Variants in BTN2A1 observed in about 807,000 individuals in gnomAD.
BTN2A1 encodes the protein butyrophilin, subfamily 2, member A1.
BTN2A1 carries 41 observed loss-of-function variants against 34.5 expected under a neutral mutation model. That is an observed-to-expected ratio of 1.19 (90% CI 0.93 to 1.54). BTN2A1 has a LOEUF of 1.54. BTN2A1 is among the 40% of genes most tolerant of loss of function. The pLI, the probability that BTN2A1 is intolerant of heterozygous loss-of-function variation, is 0.00. For missense variants in BTN2A1, 642 were observed against 662.0 expected (o/e 0.97, Z 0.33); for synonymous variants, 267 against 258.6 (o/e 1.03, Z -0.31).
rs536382463 is a variant in BTN2A1, at chr6:26,468,904, A to G, written c.*355A>G. The G allele has an allele frequency of 6.0e-6, 8 of 1,323,676 alleles. No individual in the cohort carries two copies. The East Asian group carries it at 3.2e-4, about 53-fold the overall frequency. 82.0% of individuals were successfully genotyped at this position (1,323,676 alleles called of 1,614,324 possible). Reference sequence around the variant, plus strand: ...CCAGTATTCCAGTTGGCACCAGAAGATATGGACTTGGAATGAGGCCTACAG... The same window carrying G: ...CCAGTATTCCAGTTGGCACCAGAAGGTATGGACTTGGAATGAGGCCTACAG... On this transcript the variant is annotated 3_prime_UTR_variant, in exon 8 of 8. Transcript: ENST00000312541.
In BTN2A1 at chr6:26,466,052, T is replaced by TC. The variant is rs766433628; in HGVS notation, c.956-7dup. The TC allele has an allele frequency of 7.3e-4, 1,173 of 1,614,082 alleles. 1 individual carries two copies. Among genetic ancestry groups the TC allele is most frequent in the Non-Finnish European group, 9.0e-4 (1,061 of 1,180,052 alleles). On this transcript the variant is annotated splice_polypyrimidine_tract_variant and intron_variant, in intron 6 of 7. Transcript: ENST00000312541. ...ATCTCATGACATTCGTCTCTGTCTG[T>TC]CCCTTGCAGGATGGAGAAGAACATT...
intron 2 of BTN2A1, 22 bp downstream of exon 2, chr6:26,458,740 T>C (rs1763079059): frequency 6.2e-7 from 1 of 1,611,152 alleles, no homozygotes; most frequent in African/African-American, 1.3e-5. Context: ...TGCCACTTGC[T>C]GCTGTCACCT....
At position 26,468,766 on chromosome 6, in the gene BTN2A1, A is replaced by T; in HGVS notation, c.*217A>T. ...TAGTTCCTTTGCTTGTAACTATGGG[A>T]TGGGATCCAGGCATAGGGAACTAGT... On this transcript the variant is annotated 3_prime_UTR_variant, in exon 8 of 8. Transcript: ENST00000312541. 1 of 1,606,144 alleles carries T rather than the reference A, an allele frequency of 6.2e-7. No homozygotes were observed. Among genetic ancestry groups the T allele is most frequent in the Non-Finnish European group, 8.5e-7 (1 of 1,175,748 alleles).
intron 4 of BTN2A1, 63 bp downstream of exon 4, chr6:26,463,588 C>A: frequency 6.5e-7 from 1 of 1,549,594 alleles, no homozygotes; most frequent in Non-Finnish European, 8.8e-7. Context: ...ACAGATGGAG[C>A]CCAGAACGGG....
At position 26,468,351 on chromosome 6, in the gene BTN2A1, C is replaced by T; in HGVS notation, c.1386C>T (p.Ser462=). Residue 462 remains serine (S), a synonymous_variant, in exon 8 of 8, where the codon TCC becomes TCT. Transcript: ENST00000312541. ...TGGACTATGAAGCTGGAGATGTCTC[C>T]TTCTACAACATGAGGGACAGATCGC... is the stretch of plus-strand genomic sequence containing the variant. ...VFLDYEAGDV[S]FYNMRDRSHI... 6.2e-7 allele frequency: 1 copy of T among 1,612,068 alleles called. No individual in the cohort carries two copies. Among genetic ancestry groups the T allele is most frequent in the Non-Finnish European group, 8.5e-7 (1 of 1,177,974 alleles).
chr6:26,463,463 T>A lies in BTN2A1; in HGVS notation c.650T>A (p.Met217Lys). ...VIIRDKSVRN[M>K]SCSINNTLLG... is the part of the protein sequence containing the mutation. ...ATCAGAGACAAGTCTGTGAGGAACATGTCCTGCTCTATCAACAACACCCTG... is the reference window on the plus strand; with the variant it reads ...ATCAGAGACAAGTCTGTGAGGAACAAGTCCTGCTCTATCAACAACACCCTG... Residue 217 changes from methionine (M) to lysine (K), a missense_variant, in exon 4 of 8, where the codon ATG (methionine) becomes AAG (lysine). Transcript: ENST00000312541. The A allele has an allele frequency of 6.2e-7, 1 of 1,614,130 alleles. No individual in the cohort carries two copies. The highest frequency in any genetic ancestry group is 8.5e-7 in the Non-Finnish European group (1 of 1,180,008).
chr6:26,466,656 C>G (rs1336915505), intron 7 of BTN2A1, among the ~76,000 whole-genome samples: 2 of 152,148 alleles, frequency 1.3e-5, no homozygotes, highest in Non-Finnish European at 2.9e-5. Context: ...TTGCCCACTC[C>G]CAGTGAGCAC....
At chr6:26,459,855 C>T (rs1763115718) in intron 3 of BTN2A1, 27 bp downstream of exon 3, 16 of 1,590,612 alleles carry the variant, frequency 1.0e-5, no homozygotes, top group Non-Finnish European at 1.1e-5. Flanking sequence ...TGCTTTGTTA[C>T]TTTGGCACAG....
In BTN2A1 at chr6:26,465,262, G is replaced by A. The variant is rs774900274; in HGVS notation, c.790G>A (p.Val264Ile). ...GGTTATTCTGATGATACCCATTGCC[G>A]TATGCATCTATTGGATCAACAAACT... ...IVVILMIPIA[V>I]CIYWINKLQK... Residue 264 changes from valine to isoleucine, a missense_variant, in exon 5 of 8, where the codon GTA (valine) becomes ATA (isoleucine). Transcript: ENST00000312541. 9.9e-5 allele frequency: 159 copies of A among 1,614,020 alleles called. 1 individual carries two copies. Among genetic ancestry groups the A allele is most frequent in the Admixed American group, 2.3e-4 (14 of 60,026 alleles).
rs779182720 is a variant in BTN2A1, at chr6:26,468,597, C to G, written c.*48C>G. 3 of 1,614,148 alleles carry G rather than the reference C, an allele frequency of 1.9e-6. No homozygotes were observed. Among genetic ancestry groups the G allele is most frequent in the East Asian group, 4.5e-5 (2 of 44,862 alleles). ...CCATGTAGACAAGCCCTGGTCATCT[C>G]AGCAGCCACCGCACAACACCCCTGG... On this transcript the variant is annotated 3_prime_UTR_variant, in exon 8 of 8. Coordinates refer to ENST00000312541, the MANE Select transcript of BTN2A1 (RefSeq NM_007049.5).
downstream of BTN2A1, among the ~76,000 whole-genome samples, chr6:26,472,379 GA>G (rs1763467156): frequency 6.6e-6 from 1 of 152,216 alleles, no homozygotes; most frequent in Non-Finnish European, 1.5e-5. Flanking sequence ...TTATTACTGA[GA>G]AAAGTAGATC....
chr6:26,475,749 T>TTAAAA (rs943140444), intron 7 of BTN2A1, among the ~76,000 whole-genome samples: 17 of 151,236 alleles, frequency 1.1e-4, no homozygotes, highest in Non-Finnish European at 1.9e-4. Flanking sequence ...CTCTAAAAAA[T>TTAAAA]TAAAATAAAA....
downstream of BTN2A1, among the ~76,000 whole-genome samples, chr6:26,473,328 C>T (rs1763482286): frequency 6.6e-6 from 1 of 152,116 alleles, no homozygotes; most frequent in Non-Finnish European, 1.5e-5. Flanking sequence ...AACAAATACA[C>T]ATGAAAATAC....
chr6:26,465,321 G>T lies in BTN2A1; in HGVS notation c.849G>T (p.Lys283Asn). 1 of 1,614,152 alleles carries T rather than the reference G, an allele frequency of 6.2e-7. No individual in the cohort carries two copies. Among genetic ancestry groups the T allele is most frequent in the South Asian group, 1.1e-5 (1 of 91,082 alleles). The change falls in exon 5 of 8, where the codon AAG (lysine) becomes AAT (asparagine). Residue 283 changes from lysine to asparagine, a missense_variant. Coordinates refer to ENST00000312541, the MANE Select transcript of BTN2A1 (RefSeq NM_007049.5). ...QKEKKILSGEKEFERETREIA... is the reference protein window; with the variant it reads ...QKEKKILSGENEFERETREIA... ...AAAAAAAGATTCTGTCAGGGGAAAA[G>T]GAGTTTGAACGGGAAACAAGAGAAA...
chr6:26,474,551 C>A (rs1000567954), downstream of BTN2A1, among the ~76,000 whole-genome samples: 1 of 151,912 alleles, frequency 6.6e-6, no homozygotes, highest in Non-Finnish European at 1.5e-5. Flanking sequence ...TGCTTAGAGC[C>A]AGGGCTACAA....
intron 3 of BTN2A1, among the ~76,000 whole-genome samples, chr6:26,461,385 T>C (rs896447625): frequency 6.6e-6 from 1 of 152,236 alleles, no homozygotes; most frequent in Non-Finnish European, 1.5e-5. Context: ...TTGAACCTCA[T>C]AGAATGTTTT....
chr6:26,461,339 T>C (rs1397684913), intron 3 of BTN2A1, among the ~76,000 whole-genome samples: 1 of 152,246 alleles, frequency 6.6e-6, no homozygotes, highest in East Asian at 1.9e-4. Flanking sequence ...GGTGGCTGAT[T>C]TTGCCCTTAA....
intron 3 of BTN2A1, among the ~76,000 whole-genome samples, chr6:26,461,531 C>A (rs1455637577): frequency 6.6e-6 from 1 of 152,202 alleles, no homozygotes; most frequent in East Asian, 1.9e-4. Flanking sequence ...GCCTGTAATC[C>A]TAGCATTTTG....
At chr6:26,465,902 C>T (rs1282810787) in intron 5 of BTN2A1, 51 bp from the exon 6 acceptor site, 1 of 1,613,416 alleles carries the variant, frequency 6.2e-7, no homozygotes, top group Non-Finnish European at 8.5e-7. Flanking sequence ...AAAAACCCAA[C>T]TTCTTTTAGT....
Sources: gnomAD v4.1 joint callset for allele counts (sites outside exome capture counted in the v4.1 genomes callset) on GRCh38, gnomAD v4.1.1 for gene constraint, MANE v1.5 for transcripts, NCBI Gene and HGNC (gene_info 2026-07-23, HGNC 2026-07-21) for gene names.